ZFHX3: variants seen among roughly 807,000 people sequenced by gnomAD.
ZFHX3 encodes zinc finger homeobox 3, also known as zinc finger homeobox protein 3.
ZFHX3 carries 42 observed loss-of-function variants against 279.1 expected under a neutral mutation model. The ratio of observed to expected loss-of-function variants is 0.15; its 90% confidence interval spans 0.12 to 0.19. The LOEUF (loss-of-function observed/expected upper bound fraction) is 0.19, where lower values mean the gene tolerates loss of function less well. ZFHX3 is among the 10% of genes least tolerant of loss of function. The probability of loss-of-function intolerance (pLI) is 1.00; values close to 1 mark genes in which losing one functional copy is unlikely to be tolerated. For missense variants in ZFHX3, 4,981 were observed against 4,754.0 expected (o/e 1.05, Z -1.40); for synonymous variants, 2,293 against 1,957.8 (o/e 1.17, Z -4.52).
intron 1 of ZFHX3, among the ~76,000 whole-genome samples, chr16:73,748,370 T>A (rs2053723457): frequency 6.6e-6 from 1 of 152,176 alleles, no homozygotes; most frequent in Non-Finnish European, 1.5e-5. Flanking sequence ...ACACTTCAAG[T>A]CATCCCTTTT....
chr16:72,937,798 C>CT (rs1392299622), intron 3 of ZFHX3, among the ~76,000 whole-genome samples: 3 of 152,156 alleles, frequency 2.0e-5, no homozygotes, highest in Admixed American at 6.5e-5. Flanking sequence ...CTCCAAGAGC[C>CT]TTTTTTTGGT....
At chr16:73,364,125 A>G (rs1189694056) in intron 3 of ZFHX3, among the ~76,000 whole-genome samples, 1 of 152,018 alleles carries the variant, frequency 6.6e-6, no homozygotes, top group Non-Finnish European at 1.5e-5. Context: ...GTGAGCCGAA[A>G]TGGTACCACT....
At chr16:72,885,656 G>C (rs1035744858) in intron 4 of ZFHX3, among the ~76,000 whole-genome samples, 3 of 152,230 alleles carry the variant, frequency 2.0e-5, no homozygotes, top group Non-Finnish European at 4.4e-5. Flanking sequence ...CCTGTAGGAG[G>C]TGACATGAGA....
chr16:73,343,898 G>C (rs775715350), intron 3 of ZFHX3, among the ~76,000 whole-genome samples: 1 of 152,168 alleles, frequency 6.6e-6, no homozygotes, highest in African/African-American at 2.4e-5. Context: ...CATTAATGGA[G>C]AGAAGGGAAA....
intron 8 of ZFHX3, among the ~76,000 whole-genome samples, chr16:73,071,845 G>A (rs1965830285): frequency 6.6e-6 from 1 of 152,208 alleles, no homozygotes; most frequent in African/African-American, 2.4e-5. Context: ...CGGACAGCAA[G>A]GTAGTGAGGC....
intron 1 of ZFHX3, among the ~76,000 whole-genome samples, chr16:73,806,193 C>T (rs897597728): frequency 6.6e-6 from 1 of 152,174 alleles, no homozygotes; most frequent in Admixed American, 6.5e-5. Flanking sequence ...CATCTGGTCC[C>T]GCCCTTGACA....
At chr16:73,217,109 G>A (rs1427719530) in intron 5 of ZFHX3, among the ~76,000 whole-genome samples, 2 of 152,208 alleles carry the variant, frequency 1.3e-5, no homozygotes, top group African/African-American at 4.8e-5. Context: ...CCGTAATAAT[G>A]TTGCTGTTTT....
chr16:73,335,960 C>T (rs1293035259), intron 3 of ZFHX3, among the ~76,000 whole-genome samples: 2 of 152,220 alleles, frequency 1.3e-5, no homozygotes, highest in East Asian at 3.9e-4. Flanking sequence ...CAGCACATCA[C>T]AGATTCTTTT....
chr16:72,985,366 A>G (rs536026129), intron 1 of ZFHX3, among the ~76,000 whole-genome samples: 1 of 152,200 alleles, frequency 6.6e-6, no homozygotes, highest in Non-Finnish European at 1.5e-5. Flanking sequence ...GATGTCCCCA[A>G]ATAAGTGGTT....
At chr16:72,943,000 G>A (rs531356690) in intron 3 of ZFHX3, among the ~76,000 whole-genome samples, 1 of 152,336 alleles carries the variant, frequency 6.6e-6, no homozygotes, top group South Asian at 2.1e-4. Flanking sequence ...TTGTTCCCCA[G>A]TGTCTCCGAA....
At chr16:73,804,922 G>A (rs1173664035) in intron 1 of ZFHX3, among the ~76,000 whole-genome samples, 1 of 127,136 alleles carries the variant, frequency 7.9e-6, no homozygotes, top group South Asian at 3.1e-4. Flanking sequence ...AGGGGAGGGA[G>A]AGGGAGGGAG....
At chr16:72,979,816 T>G (rs554582218) in intron 1 of ZFHX3, among the ~76,000 whole-genome samples, 1 of 152,262 alleles carries the variant, frequency 6.6e-6, no homozygotes, top group South Asian at 2.1e-4. Context: ...TTAAAATGCA[T>G]GTAAGAATAA....
At chr16:73,745,216 T>A (rs2053693287) in intron 1 of ZFHX3, among the ~76,000 whole-genome samples, 1 of 152,214 alleles carries the variant, frequency 6.6e-6, no homozygotes, top group African/African-American at 2.4e-5. Flanking sequence ...TTCACTGTCT[T>A]GAAAAAGCTG....
chr16:73,690,043 G>C (rs1036546248), intron 1 of ZFHX3, among the ~76,000 whole-genome samples: 1 of 152,110 alleles, frequency 6.6e-6, no homozygotes, highest in African/African-American at 2.4e-5. Flanking sequence ...AGCCTCCTGA[G>C]TAGCTGGGAT....
intron 2 of ZFHX3, among the ~76,000 whole-genome samples, chr16:73,632,112 T>G (rs2052478927): frequency 6.6e-6 from 1 of 152,218 alleles, no homozygotes; most frequent in Admixed American, 6.5e-5. Context: ...AGTCATAAAA[T>G]GTTTTCACTA....
At position 73,571,856 on chromosome 16, in the gene ZFHX3, T is replaced by C. The variant is rs77416093; in HGVS notation, c.-1547+108324A>G. On this transcript the variant is annotated intron_variant, in intron 2 of 17. Coordinates refer to the ZFHX3 transcript ENST00000641206. ...TAGAAGGGCATTCCAATAACCATAG[T>C]ACTTTTTTTGGCTGAACTGTAAATA... 3.3e-3 allele frequency among the ~76,000 whole-genome samples: 497 copies of C among 152,310 alleles called. 6 individuals carry two copies. Among genetic ancestry groups the C allele is most frequent in the African/African-American group, 0.011 (466 of 41,580 alleles).
intron 1 of ZFHX3, among the ~76,000 whole-genome samples, chr16:73,774,528 A>G (rs2054055581): frequency 6.6e-6 from 1 of 152,104 alleles, no homozygotes; most frequent in Non-Finnish European, 1.5e-5. Context: ...TCCAGACTCA[A>G]TCTTTATACC....
chr16:73,315,607 A>G (rs1217722625), intron 4 of ZFHX3, among the ~76,000 whole-genome samples: 2 of 152,210 alleles, frequency 1.3e-5, no homozygotes, highest in Non-Finnish European at 2.9e-5. Flanking sequence ...GTATTGAAAA[A>G]AAAAGACATT....
chr16:73,463,038 C>T (rs1347250337), intron 2 of ZFHX3, among the ~76,000 whole-genome samples: 1 of 152,102 alleles, frequency 6.6e-6, no homozygotes, highest in Non-Finnish European at 1.5e-5. Flanking sequence ...TCTGATACTC[C>T]AACTCCCCTT....
Sources: allele counts gnomAD v4.1 joint callset (sites outside exome capture counted in the v4.1 genomes callset), GRCh38; gene constraint gnomAD v4.1.1; transcripts MANE v1.5; gene names NCBI Gene and HGNC (gene_info 2026-07-23, HGNC 2026-07-21).